TBC1D8: variants seen among roughly 807,000 people sequenced by gnomAD.
TBC1D8 encodes the protein BUB2-like protein 1.
A neutral mutation model predicts 118.8 loss-of-function variants in TBC1D8; 65 were observed. The observed-to-expected ratio is 0.55, with a 90% confidence interval of 0.45 to 0.67. TBC1D8 has a LOEUF of 0.67. Among genes scored for constraint, TBC1D8 ranks in the 30% least tolerant of loss-of-function variants. The probability of loss-of-function intolerance (pLI) is 0.00; values close to 1 mark genes in which losing one functional copy is unlikely to be tolerated. For synonymous variants in TBC1D8, 566 were observed against 595.8 expected (o/e 0.95, Z 0.73); for missense variants, 1,376 against 1,471.2 (o/e 0.94, Z 1.06).
At chr2:101,066,543 A>T (rs1299327215) in intron 2 of TBC1D8, among the ~76,000 whole-genome samples, 1 of 152,238 alleles carries the variant, frequency 6.6e-6, no homozygotes, top group Non-Finnish European at 1.5e-5. Context: ...TAGTGTTTTG[A>T]TTACACATAT....
rs917297023 is a variant in TBC1D8, at chr2:101,027,315, G to A, written c.2520+68C>T. 10 of 1,442,088 alleles carry A rather than the reference G, an allele frequency of 6.9e-6. No individual in the cohort carries two copies. The South Asian group carries it at 1.1e-4, about 17-fold the overall frequency. 89.3% of individuals were successfully genotyped at this position (1,442,088 alleles called of 1,614,324 possible). On this transcript the variant is annotated intron_variant, in intron 15 of 19. Coordinates refer to ENST00000409318, the MANE Select transcript of TBC1D8 (RefSeq NM_001330348.2). ...CAGGCAGCTGCATGCTGTCCCCTGGGCAGGCTGGGCACCGCGGCTCAGGCC... is the reference window on the plus strand; with the variant it reads ...CAGGCAGCTGCATGCTGTCCCCTGGACAGGCTGGGCACCGCGGCTCAGGCC...
At chr2:101,066,898 T>A (rs1241444448) in intron 2 of TBC1D8, among the ~76,000 whole-genome samples, 2 of 139,188 alleles carry the variant, frequency 1.4e-5, no homozygotes, top group South Asian at 4.4e-4. Flanking sequence ...TGAGCGGAGA[T>A]CGAGTGCCAC....
intron 4 of TBC1D8, 57 bp from the exon 5 acceptor site, chr2:101,050,698 G>A: frequency 6.3e-7 from 1 of 1,583,720 alleles, no homozygotes; most frequent in Non-Finnish European, 8.6e-7. Flanking sequence ...CCAAACTTGA[G>A]TGTGTCAGCA....
chr2:101,031,441 C>T (rs756035991), intron 11 of TBC1D8, among the ~76,000 whole-genome samples: 2 of 152,194 alleles, frequency 1.3e-5, no homozygotes, highest in Admixed American at 6.5e-5. Context: ...CGCCTTGCTC[C>T]TATATCCACT....
chr2:101,072,050 T>G (rs1041746456), intron 2 of TBC1D8, among the ~76,000 whole-genome samples: 16 of 152,200 alleles, frequency 1.1e-4, no homozygotes, highest in African/African-American at 3.9e-4. Flanking sequence ...AAAGCAACAT[T>G]AATCTCCTTG....
At chr2:101,118,510 C>T (rs1375320136) in intron 1 of TBC1D8, among the ~76,000 whole-genome samples, 6 of 151,076 alleles carry the variant, frequency 4.0e-5, no homozygotes, top group East Asian at 2.0e-4. Context: ...TCCTGGCTAA[C>T]ACGGTGAAAC....
intron 1 of TBC1D8, among the ~76,000 whole-genome samples, chr2:101,147,725 G>A (rs1465297863): frequency 1.3e-5 from 2 of 152,012 alleles, no homozygotes; most frequent in East Asian, 1.9e-4. Context: ...AGCTATTTAA[G>A]TTCCTTATTA....
At chr2:101,102,869 A>C (rs538691357) in intron 1 of TBC1D8, among the ~76,000 whole-genome samples, 1 of 151,710 alleles carries the variant, frequency 6.6e-6, no homozygotes, top group Non-Finnish European at 1.5e-5. Context: ...ATAGCAAAAA[A>C]AATAAAATTA....
intron 1 of TBC1D8, among the ~76,000 whole-genome samples, chr2:101,111,677 C>T (rs1677596265): frequency 6.6e-6 from 1 of 152,162 alleles, no homozygotes; most frequent in Non-Finnish European, 1.5e-5. Flanking sequence ...GCGAGTTACG[C>T]TACCTGGACT....
At chr2:101,095,673 G>GA (rs1676373304) in intron 1 of TBC1D8, among the ~76,000 whole-genome samples, 1 of 152,040 alleles carries the variant, frequency 6.6e-6, no homozygotes, top group Non-Finnish European at 1.5e-5. Flanking sequence ...TGGGGTTGTG[G>GA]AAGTCAGTGT....
intron 15 of TBC1D8, among the ~76,000 whole-genome samples, chr2:101,022,748 G>A (rs930169267): frequency 2.6e-5 from 4 of 151,980 alleles, no homozygotes; most frequent in African/African-American, 4.8e-5. Context: ...TATACATAAC[G>A]TAAAATGTAC....
chr2:101,072,384 G>A (rs1674509477), intron 2 of TBC1D8, among the ~76,000 whole-genome samples: 1 of 151,940 alleles, frequency 6.6e-6, no homozygotes, highest in Non-Finnish European at 1.5e-5. Flanking sequence ...GAGAGAGAGA[G>A]AAAAAGAGAG....
intron 1 of TBC1D8, among the ~76,000 whole-genome samples, chr2:101,092,585 T>C (rs1676112817): frequency 6.6e-6 from 1 of 152,188 alleles, no homozygotes; most frequent in Non-Finnish European, 1.5e-5. Context: ...TATAATCTAT[T>C]ACTATCATAT....
chr2:101,064,495 T>C (rs762793615), intron 2 of TBC1D8, among the ~76,000 whole-genome samples: 4 of 152,156 alleles, frequency 2.6e-5, no homozygotes, highest in Non-Finnish European at 5.9e-5. Context: ...CCAAAATTTA[T>C]AGCAATATTG....
chr2:101,012,930 A>G (rs1679338964), intron 17 of TBC1D8, among the ~76,000 whole-genome samples: 2 of 152,244 alleles, frequency 1.3e-5, no homozygotes, highest in Admixed American at 1.3e-4. Context: ...AATCCACTCA[A>G]ACTGAACAGG....
intron 1 of TBC1D8, among the ~76,000 whole-genome samples, chr2:101,094,244 C>G (rs1171570131): frequency 6.6e-6 from 1 of 152,184 alleles, no homozygotes; most frequent in Non-Finnish European, 1.5e-5. Context: ...ACAAAGGAGG[C>G]TGGAAACCTG....
chr2:101,066,934 G>A lies in TBC1D8; in HGVS notation c.284-7395C>T, dbSNP rs548815838. 4.8e-4 allele frequency among the ~76,000 whole-genome samples: 59 copies of A among 122,258 alleles called. 1 individual carries two copies. Among genetic ancestry groups the A allele is most frequent in the Middle Eastern group, 0.011 (2 of 186 alleles). The allele number at this position is 122,258 out of a possible 152,430, so 80.2% of individuals were successfully genotyped here. On this transcript the variant is annotated intron_variant, in intron 2 of 19. Transcript: ENST00000409318. ...TGCACTCCAGCCTGGGCGACAGAGCGAGAGTATCCCAAAAAAAAAAAAAAA... is the reference window on the plus strand; with the variant it reads ...TGCACTCCAGCCTGGGCGACAGAGCAAGAGTATCCCAAAAAAAAAAAAAAA...
chr2:101,012,459 T>C (rs1679289383), intron 17 of TBC1D8, among the ~76,000 whole-genome samples: 1 of 152,170 alleles, frequency 6.6e-6, no homozygotes, highest in Admixed American at 6.6e-5. Context: ...AGCAACTCCA[T>C]TTATATCAAA....
intron 1 of TBC1D8, among the ~76,000 whole-genome samples, chr2:101,123,504 G>A (rs545521956): frequency 5.3e-5 from 8 of 152,122 alleles, no homozygotes; most frequent in African/African-American, 1.4e-4. Flanking sequence ...TCTCAAGCAC[G>A]CTCCAAACCA....
Sources: gnomAD v4.1 joint callset for allele counts (sites outside exome capture counted in the v4.1 genomes callset) on GRCh38, gnomAD v4.1.1 for gene constraint, MANE v1.5 for transcripts, NCBI Gene and HGNC (gene_info 2026-07-23, HGNC 2026-07-21) for gene names.